The following EFCAB3 variants were observed in gnomAD, a reference collection of about 807,000 sequenced individuals.
EFCAB3 encodes the protein EF-hand calcium binding domain 3.
EFCAB3 carries 36 observed loss-of-function variants against 42.2 expected under a neutral mutation model. The observed-to-expected ratio is 0.85, with a 90% CI of 0.65 to 1.13. EFCAB3 has a LOEUF of 1.13. Ranked by LOEUF, EFCAB3 falls within the 50% of genes most tolerant of loss-of-function variation. EFCAB3 has a pLI of 0.00. For missense variants in EFCAB3, 418 were observed against 505.1 expected, an observed-to-expected ratio of 0.83 and a Z score of 1.65; for synonymous variants, 170 against 172.8, an observed-to-expected ratio of 0.98 and a Z score of 0.13.
At chr17:62,397,869 A>T (rs1056877330) in intron 6 of EFCAB3, 34 of 275,712 alleles carry the variant, frequency 1.2e-4, no homozygotes, top group East Asian at 3.2e-4. Flanking sequence ...CTAAAAATTT[A>T]AAAAAATTAG....
chr17:62,381,287 T>C (rs1261784893), intron 1 of EFCAB3, among the ~76,000 whole-genome samples: 1 of 151,876 alleles, frequency 6.6e-6, no homozygotes, highest in Non-Finnish European at 1.5e-5. Flanking sequence ...CTGAGAATGA[T>C]GGTTTCCAGC....
intron 8 of EFCAB3, among the ~76,000 whole-genome samples, chr17:62,412,361 CAAAAAAAAAAAAA>C (rs1237628464): frequency 3.0e-5 from 2 of 65,958 alleles, no homozygotes; most frequent in African/African-American, 9.8e-5. Context: ...GACTCTGTCT[CAAAAAAAAAAAAA>C]AAAAAAAAGA....
intron 1 of EFCAB3, among the ~76,000 whole-genome samples, chr17:62,373,535 C>T (rs557841317): frequency 1.3e-5 from 2 of 151,900 alleles, no homozygotes; most frequent in Non-Finnish European, 2.9e-5. Flanking sequence ...GTGAGAGTAT[C>T]GCTTGAGCCA....
At chr17:62,391,712 C>CTTTT in intron 3 of EFCAB3, 110 bp from the exon 4 acceptor site, 1 of 1,203,212 alleles carries the variant, frequency 8.3e-7, no homozygotes, top group African/African-American at 1.5e-5. Flanking sequence ...TTTCGCAATC[C>CTTTT]TTTTTTTAGA....
intron 5 of EFCAB3, among the ~76,000 whole-genome samples, chr17:62,393,927 G>A (rs2070326542): frequency 6.6e-6 from 1 of 151,660 alleles, no homozygotes; most frequent in South Asian, 2.1e-4. Context: ...GAAAAATTTG[G>A]CTGCCTTCTA....
At chr17:62,397,667 A>C (rs1418345181) in intron 6 of EFCAB3, 2 of 588,944 alleles carry the variant, frequency 3.4e-6, no homozygotes, top group African/African-American at 3.7e-5. Context: ...CTTTGTACCC[A>C]ATGGTGGTTG....
chr17:62,374,521 T>C (rs9906840), intron 2 of EFCAB3, among the ~76,000 whole-genome samples: 91,949 of 151,984 alleles, frequency 0.6, 29,642 homozygotes, highest in Admixed American at 0.75. Flanking sequence ...GCCTCTGAAA[T>C]TTAATACATA....
chr17:62,413,664 T>C, intron 8 of EFCAB3, 68 bp from the exon 9 acceptor site: 3 of 1,208,464 alleles, frequency 2.5e-6, no homozygotes, highest in Non-Finnish European at 3.4e-6. Flanking sequence ...ACTTATTTAT[T>C]ATGTCTTTTT....
At chr17:62,398,423 C>T (rs929731774) in intron 6 of EFCAB3, among the ~76,000 whole-genome samples, 4 of 147,586 alleles carry the variant, frequency 2.7e-5, no homozygotes, top group South Asian at 2.1e-4. Flanking sequence ...CACTGCACTC[C>T]AGCCTGGACA....
chr17:62,384,240 T>C (rs182848583), intron 2 of EFCAB3, among the ~76,000 whole-genome samples: 1 of 152,320 alleles, frequency 6.6e-6, no homozygotes, highest in African/African-American at 2.4e-5. Context: ...GGTTCTTCAG[T>C]CATTTGAAAC....
intron 9 of EFCAB3, 35 bp from the exon 10 acceptor site, chr17:62,415,968 G>A (rs1427715282): frequency 1.3e-5 from 20 of 1,521,702 alleles, no homozygotes; most frequent in Non-Finnish European, 1.6e-5. Flanking sequence ...GCTACTTTAA[G>A]GTAACTACAA....
chr17:62,384,468 A>T (rs111907113), intron 2 of EFCAB3, among the ~76,000 whole-genome samples: 4,202 of 152,160 alleles, frequency 0.028, 201 homozygotes, highest in African/African-American at 0.095. Context: ...TACAAAAATT[A>T]ACTGGGTGTG....
intron 6 of EFCAB3, among the ~76,000 whole-genome samples, chr17:62,399,280 A>G (rs1039987622): frequency 5.3e-5 from 8 of 151,394 alleles, no homozygotes; most frequent in Non-Finnish European, 5.9e-5. Context: ...TGATCCTCCC[A>G]TCTCAGCCTC....
chr17:62,404,385 C>T (rs753048349), intron 6 of EFCAB3, among the ~76,000 whole-genome samples: 4 of 152,168 alleles, frequency 2.6e-5, no homozygotes, highest in South Asian at 2.1e-4. Flanking sequence ...GTGGTCCCAG[C>T]TACTCAGGAG....
At chr17:62,407,270 A>C in intron 8 of EFCAB3, 58 bp downstream of exon 8, 1 of 1,395,832 alleles carries the variant, frequency 7.2e-7, no homozygotes, top group Non-Finnish European at 9.5e-7. Context: ...CACTAACTTA[A>C]CAGAACTAAT....
chr17:62,371,604 A>C (rs1208230897), intron 1 of EFCAB3, among the ~76,000 whole-genome samples: 1 of 152,192 alleles, frequency 6.6e-6, no homozygotes, highest in East Asian at 1.9e-4. Context: ...TTCATTTCTT[A>C]AATCACAAAT....
At chr17:62,383,084 GT>G (rs1425785309) in intron 2 of EFCAB3, 31 bp downstream of exon 2, 2 of 1,556,664 alleles carry the variant, frequency 1.3e-6, no homozygotes, top group South Asian at 2.3e-5. Flanking sequence ...GGTGATAAAT[GT>G]ATTATGATAA....
chr17:62,403,003 C>T (rs977693790), intron 6 of EFCAB3, among the ~76,000 whole-genome samples: 2 of 152,162 alleles, frequency 1.3e-5, no homozygotes, highest in Non-Finnish European at 2.9e-5. Context: ...CAACTTCTTC[C>T]TAGTTTAGTC....
At chr17:62,374,145 A>G (rs989084880) in intron 2 of EFCAB3, among the ~76,000 whole-genome samples, 4 of 152,076 alleles carry the variant, frequency 2.6e-5, no homozygotes, top group Non-Finnish European at 4.4e-5. Flanking sequence ...TTTCTTACTC[A>G]TATTAAAATC....
Sources: gnomAD v4.1 joint callset for allele counts (sites outside exome capture counted in the v4.1 genomes callset) on GRCh38, gnomAD v4.1.1 for gene constraint, MANE v1.5 for transcripts, NCBI Gene and HGNC (gene_info 2026-07-23, HGNC 2026-07-21) for gene names.